The following TDRP variants were observed in gnomAD, a reference collection of about 807,000 sequenced individuals.
The protein encoded by TDRP is testis development related protein.
In TDRP, 12 loss-of-function variants were observed where a neutral mutation model predicts 10.5. That is an observed-to-expected ratio of 1.15 (90% CI 0.73 to 1.86). TDRP has a LOEUF of 1.86. TDRP is among the 40% of genes most tolerant of loss of function. TDRP has a pLI of 0.00. For missense variants in TDRP, 353 were observed against 229.2 expected, an observed-to-expected ratio of 1.54 and a Z score of -3.49; for synonymous variants, 139 against 95.4, an observed-to-expected ratio of 1.46 and a Z score of -2.67.
intron 1 of TDRP, among the ~76,000 whole-genome samples, chr8:500,557 T>A (rs1458402919): frequency 6.6e-6 from 1 of 152,248 alleles, no homozygotes; most frequent in Non-Finnish European, 1.5e-5. Flanking sequence ...CCTTCATACT[T>A]AATCTCACAA....
chr8:512,320 C>G (rs187576381), intron 1 of TDRP, among the ~76,000 whole-genome samples: 1 of 152,020 alleles, frequency 6.6e-6, no homozygotes, highest in African/African-American at 2.4e-5. Flanking sequence ...GTAGTGCCAG[C>G]TCCTTGGGAG....
At chr8:502,157 T>C (rs1801322195) in intron 1 of TDRP, among the ~76,000 whole-genome samples, 1 of 152,214 alleles carries the variant, frequency 6.6e-6, no homozygotes, top group Non-Finnish European at 1.5e-5. Flanking sequence ...AGGTTTCAAT[T>C]ACGTACAACA....
intron 1 of TDRP, among the ~76,000 whole-genome samples, chr8:500,953 TC>T (rs767200821): frequency 5.9e-5 from 9 of 152,188 alleles, no homozygotes; most frequent in Non-Finnish European, 7.3e-5. Flanking sequence ...ACACCTGTAA[TC>T]CCAGCACTCT....
At chr8:501,596 C>T (rs1364681371) in intron 1 of TDRP, among the ~76,000 whole-genome samples, 1 of 152,214 alleles carries the variant, frequency 6.6e-6, no homozygotes, top group East Asian at 1.9e-4. Flanking sequence ...ATCCAACCGC[C>T]TCAGCCTCCC....
intron 1 of TDRP, among the ~76,000 whole-genome samples, chr8:533,375 TCTC>T (rs1802260067): frequency 6.6e-6 from 1 of 152,084 alleles, no homozygotes; most frequent in South Asian, 2.1e-4. Flanking sequence ...GGCACGCCCT[TCTC>T]CTGACAACCC....
intron 1 of TDRP, among the ~76,000 whole-genome samples, chr8:497,021 A>G (rs950470554): frequency 1.3e-5 from 2 of 152,206 alleles, no homozygotes; most frequent in Non-Finnish European, 2.9e-5. Context: ...TTTATAAATT[A>G]TGCAGTCTCA....
Position 529,872 on chromosome 8 carries a change from C to A in TDRP, c.108+14778G>T, listed in dbSNP as rs551532949. On this transcript the variant is annotated intron_variant, in intron 1 of 2. Transcript: ENST00000324079. ...GGCTTCTTTACCCTTTCTTTGGTTT[C>A]TTCCTACATGGAGTCCTTTGAGATT... Among the ~76,000 whole-genome samples, 7 of 152,186 alleles carry A rather than the reference C, an allele frequency of 4.6e-5. No homozygotes were observed. The East Asian group carries it at 1.4e-3, about 29-fold the overall frequency.
chr8:525,043 T>C (rs1802001545), intron 1 of TDRP, among the ~76,000 whole-genome samples: 1 of 151,986 alleles, frequency 6.6e-6, no homozygotes, highest in Non-Finnish European at 1.5e-5. Flanking sequence ...AGACCAAAGA[T>C]AAAGAAAGGA....
rs1473099019 is a variant in TDRP, at chr8:492,371, T to A, written c.*28A>T. On this transcript the variant is annotated 3_prime_UTR_variant, in exon 3 of 3. Transcript: ENST00000324079. ...GGTATACTCATAAAAGGCCACCATG[T>A]CGGGGCACACTTGCCACGCAGCCCC... The A allele has an allele frequency of 1.4e-6, 2 of 1,473,850 alleles. No homozygotes were observed. The highest frequency in any genetic ancestry group is 1.5e-5 in the South Asian group (1 of 68,300). The allele number at this position is 1,473,850 out of a possible 1,614,324, so 91.3% of individuals were successfully genotyped here. A position where few individuals can be genotyped will look rare whatever the true frequency, so the allele number is the denominator to read the frequency against.
rs1241176456 is a variant in TDRP, at chr8:544,746, C to G, written c.12G>C (p.Leu4=). The change falls in exon 1 of 3, where the codon CTG becomes CTC. Residue 4 remains leucine, a synonymous_variant. Transcript: ENST00000324079. ...CGTCCAGCAGCACTCGGCCCCGGCCCAGCTTCCACATGGTCAGGCGGGCTC... is the reference window on the plus strand; with the variant it reads ...CGTCCAGCAGCACTCGGCCCCGGCCGAGCTTCCACATGGTCAGGCGGGCTC... The part of the protein sequence containing the change: MWK[L]GRGRVLLDEP... The G allele has an allele frequency of 1.7e-5, 21 of 1,239,526 alleles. No homozygotes were observed. Among genetic ancestry groups the G allele is most frequent in the Non-Finnish European group, 2.1e-5 (21 of 990,122 alleles). The allele number at this position is 1,239,526 out of a possible 1,614,324, so 76.8% of individuals were successfully genotyped here. A position where few individuals can be genotyped will look rare whatever the true frequency, so the allele number is the denominator to read the frequency against.
At chr8:534,876 C>T (rs1355011934) in intron 1 of TDRP, among the ~76,000 whole-genome samples, 2 of 152,162 alleles carry the variant, frequency 1.3e-5, no homozygotes, top group African/African-American at 2.4e-5. Context: ...CTGTAAAGCA[C>T]TCACTCCAAT....
intron 1 of TDRP, among the ~76,000 whole-genome samples, chr8:502,984 C>T (rs1801346699): frequency 6.6e-6 from 1 of 151,706 alleles, no homozygotes; most frequent in Admixed American, 6.6e-5. Flanking sequence ...CACACGTCAA[C>T]ACAGAATACA....
intron 1 of TDRP, among the ~76,000 whole-genome samples, chr8:529,574 G>A (rs547455281): frequency 1.3e-5 from 1 of 76,850 alleles, no homozygotes; most frequent in South Asian, 3.9e-4. Flanking sequence ...AACTTCTTTG[G>A]CTTTGGTTAT....
chr8:510,380 C>T (rs1801583274), intron 1 of TDRP, among the ~76,000 whole-genome samples: 1 of 152,038 alleles, frequency 6.6e-6, no homozygotes, highest in Non-Finnish European at 1.5e-5. Context: ...CTCAGGAAAT[C>T]CCAAGAGTTT....
At chr8:495,305 C>T (rs1250078558) in intron 1 of TDRP, among the ~76,000 whole-genome samples, 1 of 152,184 alleles carries the variant, frequency 6.6e-6, no homozygotes, top group Non-Finnish European at 1.5e-5. Context: ...TACAAGAGGT[C>T]CCCTAGAAGG....
intron 1 of TDRP, among the ~76,000 whole-genome samples, chr8:506,441 G>A (rs939024118): frequency 8.6e-5 from 13 of 151,934 alleles, no homozygotes; most frequent in Admixed American, 4.6e-4. Context: ...CTCACATGCC[G>A]TCCCCAGCTG....
chr8:512,408 G>A (rs1482628431), intron 1 of TDRP, among the ~76,000 whole-genome samples: 1 of 151,964 alleles, frequency 6.6e-6, no homozygotes, highest in Non-Finnish European at 1.5e-5. Context: ...ACTCCAGCCT[G>A]GCAACAGAGC....
rs1802584887 is a variant in TDRP, at chr8:544,594, C to T, written c.108+56G>A. The stretch of plus-strand genomic sequence containing the variant: ...TCCACCTGCGCGCCGCCCACCCTCG[C>T]CCTCCACCTGCGCGCCCCCGGCCTA... On this transcript the variant is annotated intron_variant, in intron 1 of 2. Coordinates refer to ENST00000324079, the MANE Select transcript of TDRP (RefSeq NM_001384899.1). 10 of 1,143,208 alleles carry T rather than the reference C, an allele frequency of 8.7e-6. No individual in the cohort carries two copies. In the South Asian group the frequency reaches 3.8e-4, roughly 44 times the overall value. 70.8% of individuals were successfully genotyped at this position (1,143,208 alleles called of 1,614,324 possible).
Position 544,798 on chromosome 8 carries a change from C to G in TDRP, c.-41G>C. 8.2e-7 allele frequency: 1 copy of G among 1,213,702 alleles called. No homozygotes were observed. Among genetic ancestry groups the G allele is most frequent in the Non-Finnish European group, 1.0e-6 (1 of 971,470 alleles). 75.2% of individuals were successfully genotyped at this position (1,213,702 alleles called of 1,614,324 possible). On this transcript the variant is annotated 5_prime_UTR_variant, in exon 1 of 3. Coordinates refer to ENST00000324079, the MANE Select transcript of TDRP (RefSeq NM_001384899.1). ...GGCGTCCCTCCGTCCGTGCGTCGGG[C>G]TGTGGCTCCGCGTCCCTCCCGGCCG...
Sources: allele counts gnomAD v4.1 joint callset (sites outside exome capture counted in the v4.1 genomes callset), GRCh38; gene constraint gnomAD v4.1.1; transcripts MANE v1.5; gene names NCBI Gene and HGNC (gene_info 2026-07-23, HGNC 2026-07-21).